The following MSRA variants were observed in gnomAD, a reference collection of about 807,000 sequenced individuals.
MSRA encodes the protein methionine sulfoxide reductase A.
In MSRA, 54 loss-of-function variants were observed where a neutral mutation model predicts 31.3. The observed-to-expected ratio is 1.73, with a 90% confidence interval of 1.39 to 2.17. The LOEUF (loss-of-function observed/expected upper bound fraction) is 2.17. MSRA is among the 30% of genes most tolerant of loss of function. MSRA has a pLI of 0.00. For synonymous variants in MSRA, 169 were observed against 116.5 expected (o/e 1.45, Z -2.90); for missense variants, 507 against 300.9 (o/e 1.69, Z -5.07).
intron 1 of MSRA, among the ~76,000 whole-genome samples, chr8:10,131,125 T>C (rs572396462): frequency 6.6e-6 from 1 of 152,344 alleles, no homozygotes; most frequent in East Asian, 1.9e-4. Flanking sequence ...TGTGGAATGT[T>C]AGGGCACTGA....
At chr8:10,092,095 C>A (rs185155565) in intron 1 of MSRA, among the ~76,000 whole-genome samples, 1 of 150,846 alleles carries the variant, frequency 6.6e-6, no homozygotes, top group African/African-American at 2.4e-5. Context: ...AGTACTCTTG[C>A]AGTGTCTTTG....
At chr8:10,183,770 AGCT>A (rs1162522362) in intron 1 of MSRA, among the ~76,000 whole-genome samples, 1 of 131,028 alleles carries the variant, frequency 7.6e-6, no homozygotes, top group Non-Finnish European at 1.6e-5. Context: ...TGACAAGCTG[AGCT>A]GGTGGTGGTG....
intron 5 of MSRA, among the ~76,000 whole-genome samples, chr8:10,323,590 G>A (rs1182543107): frequency 1.3e-5 from 2 of 152,158 alleles, no homozygotes. Context: ...GATATCCATA[G>A]GAGGTAAAAT....
At chr8:10,337,970 G>A (rs190909099) in intron 5 of MSRA, 120 of 613,592 alleles carry the variant, frequency 2.0e-4, no homozygotes, top group Admixed American at 1.4e-3. Flanking sequence ...GGTGGCCCAG[G>A]AAAGCAGGGG....
intron 3 of MSRA, among the ~76,000 whole-genome samples, chr8:10,255,083 A>C (rs4841299): frequency 0.25 from 37,763 of 152,174 alleles, 5,865 homozygotes; most frequent in Non-Finnish European, 0.36. Flanking sequence ...TTCCCCCAGC[A>C]CTGTCCTCAG....
At chr8:10,280,695 G>A in intron 3 of MSRA, among the ~76,000 whole-genome samples, 1 of 152,178 alleles carries the variant, frequency 6.6e-6, no homozygotes, top group East Asian at 1.9e-4. Flanking sequence ...ATGACAACCT[G>A]TGTCCATACA....
At chr8:10,088,304 C>G (rs1170745529) in intron 1 of MSRA, among the ~76,000 whole-genome samples, 1 of 152,136 alleles carries the variant, frequency 6.6e-6, no homozygotes, top group East Asian at 1.9e-4. Flanking sequence ...AATGGAACTT[C>G]CATATGACCC....
intron 5 of MSRA, among the ~76,000 whole-genome samples, chr8:10,367,616 C>G (rs894752535): frequency 3.9e-5 from 6 of 152,190 alleles, no homozygotes; most frequent in African/African-American, 1.2e-4. Context: ...AAGTGATGAG[C>G]CAACCAAGGC....
At chr8:10,119,357 C>A (rs1044450533) in intron 1 of MSRA, among the ~76,000 whole-genome samples, 24 of 152,150 alleles carry the variant, frequency 1.6e-4, no homozygotes, top group Admixed American at 1.6e-3. Context: ...CTATTTGAAT[C>A]TTCTTGGAGT....
intron 1 of MSRA, among the ~76,000 whole-genome samples, chr8:10,162,607 CAG>C (rs1804761675): frequency 6.6e-6 from 1 of 152,124 alleles, no homozygotes. Context: ...AACTGTGGCA[CAG>C]GGGAAACCCG....
chr8:10,216,645 G>T (rs945861425), intron 2 of MSRA, among the ~76,000 whole-genome samples: 7 of 152,146 alleles, frequency 4.6e-5, no homozygotes, highest in African/African-American at 1.7e-4. Flanking sequence ...CTACTCTAGG[G>T]ACCTCCTATA....
intron 1 of MSRA, among the ~76,000 whole-genome samples, chr8:10,100,046 C>A (rs1404278680): frequency 6.6e-6 from 1 of 152,174 alleles, no homozygotes; most frequent in Non-Finnish European, 1.5e-5. Flanking sequence ...GGGCGCTGCC[C>A]AGCAAGCAGC....
intron 2 of MSRA, among the ~76,000 whole-genome samples, chr8:10,215,449 C>G (rs571192420): frequency 1.2e-4 from 18 of 152,342 alleles, no homozygotes; most frequent in African/African-American, 3.8e-4. Flanking sequence ...CAGGTGCTCC[C>G]TGGCAGACCA....
chr8:10,067,413 C>T (rs1304784721), intron 1 of MSRA, among the ~76,000 whole-genome samples: 4 of 152,200 alleles, frequency 2.6e-5, no homozygotes, highest in African/African-American at 9.7e-5. Flanking sequence ...TTGATCCATT[C>T]ACCTACTGAA....
intron 5 of MSRA, among the ~76,000 whole-genome samples, chr8:10,364,586 A>G (rs1585591386): frequency 1.3e-5 from 2 of 152,208 alleles, no homozygotes; most frequent in Admixed American, 1.3e-4. Context: ...TTCCTGTTCT[A>G]ATGAGTTGTT....
chr8:10,141,420 G>A (rs191820771), intron 1 of MSRA, among the ~76,000 whole-genome samples: 42 of 152,264 alleles, frequency 2.8e-4, no homozygotes, highest in Admixed American at 9.8e-4. Flanking sequence ...AAAGGAAAAC[G>A]CACTCCAATG....
intron 3 of MSRA, among the ~76,000 whole-genome samples, chr8:10,254,922 CTT>C (rs957074278): frequency 2.6e-5 from 4 of 152,188 alleles, no homozygotes; most frequent in African/African-American, 9.7e-5. Context: ...ACGGGATTTC[CTT>C]TTCTTTAGCC....
chr8:10,103,847 TA>T (rs35390479), intron 1 of MSRA, among the ~76,000 whole-genome samples: 83 of 149,386 alleles, frequency 5.6e-4, no homozygotes, highest in Admixed American at 1.2e-3. Context: ...CCTCAGATGT[TA>T]AAAAAAAAAA....
At chr8:10,255,319 T>C (rs1018892905) in intron 3 of MSRA, among the ~76,000 whole-genome samples, 44 of 152,340 alleles carry the variant, frequency 2.9e-4, no homozygotes, top group Non-Finnish European at 4.9e-4. Context: ...TTTAATTCTC[T>C]GCCTCCTTAG....
Sources: gnomAD v4.1 joint callset for allele counts (sites outside exome capture counted in the v4.1 genomes callset) on GRCh38, gnomAD v4.1.1 for gene constraint, MANE v1.5 for transcripts, NCBI Gene and HGNC (gene_info 2026-07-23, HGNC 2026-07-21) for gene names.